The following DLD variants were observed in gnomAD, a reference collection of about 807,000 sequenced individuals.
DLD encodes dihydrolipoamide dehydrogenase.
In DLD, 36 loss-of-function variants were observed where a neutral mutation model predicts 62.2. That is an observed-to-expected ratio of 0.58 (90% CI 0.44 to 0.76). DLD has a LOEUF of 0.76. Among genes scored for constraint, DLD ranks in the 30% least tolerant of loss-of-function variants. The pLI is 0.00. For missense variants in DLD, 541 were observed against 608.6 expected (o/e 0.89, Z 1.17); for synonymous variants, 204 against 199.6 (o/e 1.02, Z -0.19).
chr7:107,906,274 A>G lies in DLD; in HGVS notation c.590A>G (p.Glu197Gly). The G allele has an allele frequency of 6.4e-7, 1 of 1,567,646 alleles. No individual in the cohort carries two copies. The highest frequency in any genetic ancestry group is 2.2e-5 in the East Asian group (1 of 44,572). ...VTPFPGITID[E>G]DTIVSSTGAL... Reference sequence around the variant, plus strand: ...CTTTTGTTTTTCTTACAGATAGATGAAGATACAATAGTGTCATCTACAGGT... The same window carrying G: ...CTTTTGTTTTTCTTACAGATAGATGGAGATACAATAGTGTCATCTACAGGT... Residue 197 changes from glutamate to glycine, a missense_variant, in exon 8 of 14, where the codon GAA becomes GGA. Physicochemically the swap from Glu to Gly is moderately conservative, Grantham distance 98. Transcript: ENST00000205402.
intron 8 of DLD, among the ~76,000 whole-genome samples, chr7:107,910,732 A>G (rs2032119472): frequency 6.6e-6 from 1 of 152,216 alleles, no homozygotes; most frequent in Non-Finnish European, 1.5e-5. Flanking sequence ...TAATACATTT[A>G]AAACACTTAA....
chr7:107,892,455 G>A (rs2116158151), intron 1 of DLD, among the ~76,000 whole-genome samples: 1 of 152,286 alleles, frequency 6.6e-6, no homozygotes, highest in East Asian at 1.9e-4. Flanking sequence ...CTAGCTTAGA[G>A]TTAGGAAACA....
intron 8 of DLD, among the ~76,000 whole-genome samples, chr7:107,907,410 C>T (rs1264207150): frequency 6.6e-6 from 1 of 152,172 alleles, no homozygotes. Context: ...CTACTCTTCT[C>T]AAATCTCTGC....
chr7:107,910,797 T>G (rs1253348365), intron 8 of DLD, among the ~76,000 whole-genome samples: 2 of 152,126 alleles, frequency 1.3e-5, no homozygotes, highest in African/African-American at 2.4e-5. Context: ...TATTGAGTTT[T>G]CCTATCTATA....
chr7:107,893,456 TAA>T, intron 2 of DLD, 178 bp downstream of exon 2: 1 of 463,532 alleles, frequency 2.2e-6, no homozygotes, highest in Non-Finnish European at 3.8e-6. Flanking sequence ...GTGAACAAGG[TAA>T]AAAAACCCTG....
At position 107,917,272 on chromosome 7, in the gene DLD, G is replaced by GT; in HGVS notation, c.1047dup (p.Ile350TyrfsTer6). Reference sequence around the variant, plus strand: ...TGTGTTTCTTTTGATTTCTGTGGTAGTATCTATGCCATTGGTGATGTAGTT... The same window carrying GT: ...TGTGTTTCTTTTGATTTCTGTGGTAGTTATCTATGCCATTGGTGATGTAGTT... On this transcript the variant is annotated frameshift_variant and splice_region_variant. Coordinates refer to ENST00000205402, the MANE Select transcript of DLD (RefSeq NM_000108.5). LOFTEE classifies it high-confidence loss of function. 6.2e-7 allele frequency: 1 copy of GT among 1,613,994 alleles called. No homozygotes were observed.
chr7:107,919,326 A>T lies in DLD; in HGVS notation c.*67A>T. The T allele has an allele frequency of 7.9e-7, 1 of 1,267,546 alleles. No homozygotes were observed. The highest frequency in any genetic ancestry group is 1.5e-5 in the African/African-American group (1 of 68,226). The allele number at this position is 1,267,546 out of a possible 1,614,324, so 78.5% of individuals were successfully genotyped here. Reference sequence around the variant, plus strand: ...GCTTTTGTAGAAGTCACATTCCTGAACAGGATATTCTCACAGCTCCAAGAA... The same window carrying T: ...GCTTTTGTAGAAGTCACATTCCTGATCAGGATATTCTCACAGCTCCAAGAA... On this transcript the variant is annotated 3_prime_UTR_variant, in exon 14 of 14. Transcript: ENST00000205402.
At chr7:107,916,708 A>G (rs2032278109) in intron 9 of DLD, 86 bp from the exon 10 acceptor site, 1 of 1,340,882 alleles carries the variant, frequency 7.5e-7, no homozygotes, top group African/African-American at 1.4e-5. Flanking sequence ...TGTCATCAAC[A>G]CTTGAGAAAT....
intron 2 of DLD, among the ~76,000 whole-genome samples, chr7:107,901,056 G>C (rs934913339): frequency 6.6e-6 from 1 of 151,904 alleles, no homozygotes; most frequent in Non-Finnish European, 1.5e-5. Context: ...ATAGTTAATT[G>C]AATATTCTGG....
intron 5 of DLD, 94 bp downstream of exon 5, chr7:107,903,641 G>A (rs2031932890): frequency 1.5e-6 from 1 of 678,100 alleles, no homozygotes; most frequent in South Asian, 1.6e-5. Flanking sequence ...ACGCATAATA[G>A]ATGTTTAGTG....
At position 107,918,168 on chromosome 7, in the gene DLD, A is replaced by G. The variant is rs192553116; in HGVS notation, c.1374+107A>G. 2.0e-3 allele frequency: 2,621 copies of G among 1,289,182 alleles called. 20 individuals carry two copies. Among genetic ancestry groups the G allele is most frequent in the South Asian group, 0.011 (912 of 82,666 alleles). 79.9% of individuals were successfully genotyped at this position (1,289,182 alleles called of 1,614,324 possible). On this transcript the variant is annotated intron_variant, in intron 12 of 13. Coordinates refer to ENST00000205402, the MANE Select transcript of DLD (RefSeq NM_000108.5). Reference sequence around the variant, plus strand: ...AGTCTGAGGTTGCTCATTTCCAGCAAAACTTTGAATATGGCTCTCTGTGCA... The same window carrying G: ...AGTCTGAGGTTGCTCATTTCCAGCAGAACTTTGAATATGGCTCTCTGTGCA...
At chr7:107,912,282 A>G (rs1278080743) in intron 8 of DLD, among the ~76,000 whole-genome samples, 1 of 152,176 alleles carries the variant, frequency 6.6e-6, no homozygotes, top group Non-Finnish European at 1.5e-5. Context: ...ATAGTGCTGC[A>G]GTAAACATAA....
chr7:107,897,623 A>G (rs1486703170), intron 2 of DLD, among the ~76,000 whole-genome samples: 2 of 144,898 alleles, frequency 1.4e-5, no homozygotes, highest in Admixed American at 1.4e-4. Context: ...CTATCATGCA[A>G]GCTGGGGTGC....
chr7:107,904,894 A>G (rs1272690997), intron 5 of DLD, 64 bp from the exon 6 acceptor site: 14 of 1,251,106 alleles, frequency 1.1e-5, no homozygotes, highest in Non-Finnish European at 1.6e-5. Flanking sequence ...TTGGTGAGTG[A>G]AAAACACTGC....
chr7:107,912,910 T>C (rs943031145), intron 8 of DLD, among the ~76,000 whole-genome samples: 1 of 152,168 alleles, frequency 6.6e-6, no homozygotes, highest in African/African-American at 2.4e-5. Flanking sequence ...AATGTTTTCT[T>C]ACAGTAATTT....
rs2116221384 is a variant in DLD at position 107,905,381 on chromosome 7, T to G, written c.459T>G (p.Tyr153Ter). 1 of 1,613,652 alleles carries G rather than the reference T, an allele frequency of 6.2e-7. No homozygotes were observed. Among genetic ancestry groups the G allele is most frequent in the Non-Finnish European group, 8.5e-7 (1 of 1,179,604 alleles). ...KQNKVVHVNG[Y>*]GKITGKNQVT... ...TAAAGGTTGTTCATGTCAATGGATA[T>G]GGAAAGATAACTGGCAAAAATCAAG... The change falls in exon 7 of 14, where the codon TAT becomes TAG. Residue 153 changes from tyrosine to a stop codon, truncating the protein, a stop_gained. Transcript: ENST00000205402. LOFTEE classifies it high-confidence loss of function.
At chr7:107,917,241 A>G in intron 10 of DLD, 32 bp from the exon 11 acceptor site, 1 of 1,613,042 alleles carries the variant, frequency 6.2e-7, no homozygotes, top group South Asian at 1.1e-5. Flanking sequence ...GATTTCAGAA[A>G]TTCATTGTGT....
At chr7:107,916,761 G>A (rs902643562) in intron 9 of DLD, 33 bp from the exon 10 acceptor site, 1 of 1,596,528 alleles carries the variant, frequency 6.3e-7, no homozygotes, top group South Asian at 1.1e-5. Flanking sequence ...ATGTAGGTGT[G>A]TATTTAACAT....
chr7:107,905,430 G>A lies in DLD; in HGVS notation c.508G>A (p.Gly170Ser), dbSNP rs567286177. 1.7e-5 allele frequency: 27 copies of A among 1,613,728 alleles called. No individual in the cohort carries two copies. In the South Asian group the frequency reaches 1.8e-4, roughly 10 times the overall value. ...NQVTATKADG[G>S]TQVIDTKNIL... ...AGTCACTGCTACGAAAGCTGATGGCGGCACTCAGGTTATTGATACAAAGAA... is the reference window on the plus strand; with the variant it reads ...AGTCACTGCTACGAAAGCTGATGGCAGCACTCAGGTTATTGATACAAAGAA... Residue 170 changes from glycine (G) to serine (S), a missense_variant, in exon 7 of 14, where the codon GGC becomes AGC. Transcript: ENST00000205402.
Sources: allele counts gnomAD v4.1 joint callset (sites outside exome capture counted in the v4.1 genomes callset), GRCh38; gene constraint gnomAD v4.1.1; transcripts MANE v1.5; gene names NCBI Gene and HGNC (gene_info 2026-07-23, HGNC 2026-07-21).